Variants in TCF7L2 observed in about 807,000 individuals in gnomAD.
TCF7L2 encodes transcription factor 7 like 2, also known as transcription factor 7-like 2.
In TCF7L2, 23 loss-of-function variants were observed where a neutral mutation model predicts 77.9. The observed-to-expected ratio is 0.30, with a 90% CI of 0.21 to 0.42. The LOEUF is 0.42. TCF7L2 is among the 10% of genes least tolerant of loss of function. The probability of loss-of-function intolerance (pLI) is 1.00; values close to 1 mark genes in which losing one functional copy is unlikely to be tolerated. For synonymous variants in TCF7L2, 413 were observed against 340.2 expected, an observed-to-expected ratio of 1.21 and a Z score of -2.36; for missense variants, 654 against 793.1, an observed-to-expected ratio of 0.82 and a Z score of 2.11.
intron 4 of TCF7L2, among the ~76,000 whole-genome samples, chr10:113,032,941 T>C (rs942540449): frequency 1.3e-5 from 2 of 152,210 alleles, no homozygotes; most frequent in Non-Finnish European, 2.9e-5. Flanking sequence ...GAAAATCTTA[T>C]AACAACCAAC....
chr10:113,121,258 C>T (rs527274897), intron 5 of TCF7L2, among the ~76,000 whole-genome samples: 1 of 152,336 alleles, frequency 6.6e-6, no homozygotes, highest in East Asian at 1.9e-4. Flanking sequence ...TCTTCTCGCT[C>T]TCCCGCCCTC....
intron 5 of TCF7L2, among the ~76,000 whole-genome samples, chr10:113,045,298 G>T (rs560345340): frequency 6.6e-6 from 1 of 152,312 alleles, no homozygotes; most frequent in East Asian, 1.9e-4. Context: ...TGTTACCCCT[G>T]TTCTAGAGAG....
chr10:113,163,920 G>A (rs2073610235), intron 13 of TCF7L2, among the ~76,000 whole-genome samples: 1 of 152,218 alleles, frequency 6.6e-6, no homozygotes, highest in Non-Finnish European at 1.5e-5. Flanking sequence ...CAGACTGAGA[G>A]GAGGAACTCA....
chr10:112,973,956 A>G (rs1411969535), intron 4 of TCF7L2, among the ~76,000 whole-genome samples: 3 of 152,130 alleles, frequency 2.0e-5, no homozygotes, highest in African/African-American at 7.2e-5. Flanking sequence ...CCATTTTAAT[A>G]GGCAAGGAAA....
intron 5 of TCF7L2, among the ~76,000 whole-genome samples, chr10:113,048,099 C>T (rs2053773240): frequency 6.6e-6 from 1 of 152,144 alleles, no homozygotes; most frequent in South Asian, 2.1e-4. Context: ...CACTGCAGAG[C>T]TCTTCCCAGG....
Position 113,004,678 on chromosome 10 carries a change from AT to A in TCF7L2, c.451-35337del, listed in dbSNP as rs926246602. 1.9e-4 allele frequency among the ~76,000 whole-genome samples: 28 copies of A among 147,948 alleles called. No homozygotes were observed. In the South Asian group the frequency reaches 1.9e-3, roughly 10 times the overall value. ...CTTTTGAGGGTTCCATTTCTTTTTT[AT>A]TTTTTTTTTCTTTTGAGATGGAGTT... On this transcript the variant is annotated intron_variant, in intron 4 of 13. Transcript: ENST00000627217.
rs1014171419 is a variant in TCF7L2, at chr10:112,951,306, G to A, written c.256+33G>A. On this transcript the variant is annotated intron_variant, in intron 2 of 13. Transcript: ENST00000627217. ...CGCCCCGCGCGCCCCGCAGCCGCCC[G>A]GAGCCGCCCCCCGGGCCGGCCGCCC... 30 of 1,114,068 alleles carry A rather than the reference G, an allele frequency of 2.7e-5. 1 individual carries two copies. The African/African-American group carries it at 3.6e-4, about 13-fold the overall frequency. The allele number at this position is 1,114,068 out of a possible 1,614,324, so 69.0% of individuals were successfully genotyped here. A position where few individuals can be genotyped will look rare whatever the true frequency, so the allele number is the denominator to read the frequency against.
At chr10:113,067,502 T>A (rs182445417) in intron 5 of TCF7L2, among the ~76,000 whole-genome samples, 49 of 152,334 alleles carry the variant, frequency 3.2e-4, no homozygotes, top group African/African-American at 1.2e-3. Context: ...CAGCCATAAT[T>A]TTCCCCTGTT....
chr10:113,160,902 C>T (rs952139194), intron 13 of TCF7L2, among the ~76,000 whole-genome samples: 1 of 152,164 alleles, frequency 6.6e-6, no homozygotes, highest in African/African-American at 2.4e-5. Context: ...CTCTCATGAA[C>T]AATATCCCTG....
intron 4 of TCF7L2, among the ~76,000 whole-genome samples, chr10:112,984,931 C>T (rs777156537): frequency 3.3e-5 from 5 of 152,268 alleles, no homozygotes; most frequent in Middle Eastern, 3.4e-3. Context: ...ATGGATAAAA[C>T]GCTTTGGCAC....
At chr10:113,012,975 C>T (rs1242270653) in intron 4 of TCF7L2, among the ~76,000 whole-genome samples, 2 of 152,136 alleles carry the variant, frequency 1.3e-5, no homozygotes, top group Non-Finnish European at 2.9e-5. Context: ...GGTCTTCTCG[C>T]CTGGTGCAGT....
chr10:113,049,389 T>C (rs571167964), intron 5 of TCF7L2, among the ~76,000 whole-genome samples: 35 of 152,170 alleles, frequency 2.3e-4, no homozygotes, highest in African/African-American at 7.5e-4. Flanking sequence ...TTGGGTGGCA[T>C]CGTCGATTGC....
chr10:113,158,831 A>G (rs1255501431), intron 12 of TCF7L2, 114 bp downstream of exon 13: 17 of 1,083,626 alleles, frequency 1.6e-5, no homozygotes, highest in Non-Finnish European at 2.2e-5. Flanking sequence ...ATTCTTTAAA[A>G]TGACCATCAA....
At chr10:113,138,132 A>G (rs563462489) in intron 5 of TCF7L2, among the ~76,000 whole-genome samples, 19 of 152,284 alleles carry the variant, frequency 1.2e-4, no homozygotes, top group African/African-American at 4.6e-4. Flanking sequence ...GTTCTTTCAC[A>G]GGGACCTGCC....
chr10:113,061,345 C>T (rs1044412236), intron 5 of TCF7L2, among the ~76,000 whole-genome samples: 1 of 152,158 alleles, frequency 6.6e-6, no homozygotes, highest in Non-Finnish European at 1.5e-5. Flanking sequence ...TGAGGTCCAG[C>T]GTCTGCATGG....
chr10:113,061,453 G>A (rs2056429886), intron 5 of TCF7L2, among the ~76,000 whole-genome samples: 1 of 152,196 alleles, frequency 6.6e-6, no homozygotes, highest in South Asian at 2.1e-4. Context: ...CTCAGCCCAG[G>A]TGGATTAATC....
intron 4 of TCF7L2, among the ~76,000 whole-genome samples, chr10:113,013,733 A>G (rs1404697196): frequency 1.3e-5 from 2 of 152,126 alleles, no homozygotes; most frequent in Non-Finnish European, 2.9e-5. Context: ...CTTAGTCCCC[A>G]CTTTCTCCTG....
At chr10:112,989,359 A>T in intron 4 of TCF7L2, among the ~76,000 whole-genome samples, 1 of 150,874 alleles carries the variant, frequency 6.6e-6, no homozygotes, top group African/African-American at 2.4e-5. Flanking sequence ...GGAGTTCACC[A>T]TTAAAAAAAA....
intron 4 of TCF7L2, among the ~76,000 whole-genome samples, chr10:112,970,816 A>G (rs558836836): frequency 2.8e-4 from 43 of 152,302 alleles, no homozygotes; most frequent in Non-Finnish European, 5.9e-4. Flanking sequence ...GATCCAGGCT[A>G]AGTGAAGAAC....
Sources: gnomAD v4.1 joint callset for allele counts (sites outside exome capture counted in the v4.1 genomes callset) on GRCh38, gnomAD v4.1.1 for gene constraint, MANE v1.5 for transcripts, NCBI Gene and HGNC (gene_info 2026-07-23, HGNC 2026-07-21) for gene names.